The following ZDHHC11 variants were observed in gnomAD, a reference collection of about 807,000 sequenced individuals.
The protein encoded by ZDHHC11 is palmitoyltransferase ZDHHC11.
Under a neutral mutation model 51.3 loss-of-function variants are expected in ZDHHC11, and 44 were observed. The ratio of observed to expected loss-of-function variants is 0.86; its 90% CI spans 0.67 to 1.10. The LOEUF (loss-of-function observed/expected upper bound fraction) is 1.10, where lower values mean the gene tolerates loss of function less well. ZDHHC11 is among the 50% of genes least tolerant of loss of function. The probability of loss-of-function intolerance (pLI) is 0.00; values close to 1 mark genes in which losing one functional copy is unlikely to be tolerated. For missense variants in ZDHHC11, 400 were observed against 537.7 expected, an observed-to-expected ratio of 0.74 and a Z score of 2.53; for synonymous variants, 163 against 222.0, an observed-to-expected ratio of 0.73 and a Z score of 2.36.
intron 1 of ZDHHC11, among the ~76,000 whole-genome samples, chr5:849,393 C>G (rs1231751563): frequency 2.0e-5 from 3 of 152,132 alleles, no homozygotes; most frequent in Non-Finnish European, 4.4e-5. Flanking sequence ...CCGGATGCAG[C>G]CCCAAAGGCC....
intron 3 of ZDHHC11, among the ~76,000 whole-genome samples, chr5:844,236 G>A: frequency 6.6e-6 from 1 of 152,288 alleles, no homozygotes; most frequent in Non-Finnish European, 1.5e-5. Flanking sequence ...GCTGGAGAGG[G>A]GTGGCCGTGG....
At chr5:840,869 G>C (rs866135389) in intron 4 of ZDHHC11, 36 of 1,441,154 alleles carry the variant, frequency 2.5e-5, no homozygotes, top group Non-Finnish European at 3.1e-5. Context: ...GGATCTGGGA[G>C]GTGAGGCTCC....
intron 11 of ZDHHC11, 22 bp downstream of exon 11, chr5:814,739 C>CCCGTT (rs770829065): frequency 1.9e-6 from 3 of 1,547,370 alleles, no homozygotes; most frequent in Non-Finnish European, 2.6e-6. Flanking sequence ...ACAAAACGTT[C>CCCGTT]CCGTTAAACT....
chr5:803,278 C>A (rs191027685), intron 11 of ZDHHC11, among the ~76,000 whole-genome samples: 1 of 151,492 alleles, frequency 6.6e-6, no homozygotes, highest in East Asian at 1.9e-4. Flanking sequence ...CACTTGGCAG[C>A]AGTGGCTTCC....
chr5:858,122 A>G (rs112286050), intron 1 of ZDHHC11, among the ~76,000 whole-genome samples: 875 of 60,486 alleles, frequency 0.014, no homozygotes, highest in Middle Eastern at 0.029. Flanking sequence ...TCCCCGTCCT[A>G]TCTTTATGAC....
In ZDHHC11 at chr5:819,892, T is replaced by G. The variant is rs554023040; in HGVS notation, c.1059-280A>C. ...GTCTGCGAGCCCCACCCTAGACCAG[T>G]GCCTTAGACAGGTAGTGTCCTCCGT... On this transcript the variant is annotated intron_variant, in intron 9 of 12. Coordinates refer to ENST00000283441, the MANE Select transcript of ZDHHC11 (RefSeq NM_024786.3). Among the ~76,000 whole-genome samples the G allele has an allele frequency of 2.0e-5, 3 of 151,400 alleles. 1 individual carries two copies. The East Asian group carries it at 5.8e-4, about 29-fold the overall frequency.
intron 3 of ZDHHC11, among the ~76,000 whole-genome samples, chr5:844,437 C>T (rs1240055627): frequency 6.6e-6 from 1 of 152,298 alleles, no homozygotes; most frequent in African/African-American, 2.4e-5. Context: ...GGTCACACGG[C>T]GTCTCCAGTG....
chr5:814,176 T>C (rs1338138230), intron 11 of ZDHHC11, among the ~76,000 whole-genome samples: 1 of 146,100 alleles, frequency 6.8e-6, no homozygotes, highest in Non-Finnish European at 1.5e-5. Context: ...CTATGTTCTG[T>C]GAGAAGTGTA....
chr5:859,414 G>A (rs1394330912), upstream of ZDHHC11, among the ~76,000 whole-genome samples: 3 of 152,042 alleles, frequency 2.0e-5, no homozygotes, highest in African/African-American at 7.3e-5. Context: ...GGATTGCAAC[G>A]CGTTGTGGTC....
In ZDHHC11 at chr5:850,441, C is replaced by T. The variant is rs764899536; in HGVS notation, c.162G>A (p.Ser54=). The T allele has an allele frequency of 5.5e-5, 88 of 1,613,606 alleles. No homozygotes were observed. The highest frequency in any genetic ancestry group is 1.9e-4 in the South Asian group (17 of 91,084). The stretch of plus-strand genomic sequence containing the variant: ...AGGGAATGAAGATCCCGAAGGTGGC[C>T]GAGGAAAGGCCCACGAAGACAGCCC... ...VTWAVFVGLS[S]ATFGIFIPFL... The change falls in exon 1 of 13, where the codon TCG becomes TCA. Residue 54 remains serine, a synonymous_variant. Transcript: ENST00000283441.
chr5:801,365 G>A (rs1579521125), intron 11 of ZDHHC11, among the ~76,000 whole-genome samples: 1 of 151,756 alleles, frequency 6.6e-6, no homozygotes, highest in East Asian at 1.9e-4. Context: ...AAAGAATGTT[G>A]CTTTTTTCTT....
chr5:807,702 T>C (rs1332682652), intron 11 of ZDHHC11, among the ~76,000 whole-genome samples: 2 of 152,180 alleles, frequency 1.3e-5, no homozygotes, highest in Admixed American at 6.5e-5. Flanking sequence ...GATACTAATA[T>C]GTCCCATTTC....
rs751963828 is a variant in ZDHHC11, at chr5:850,862, C to T, written c.-260G>A. ...GCCAGAGCCGAGTGGCAACGGAAAA[C>T]GGCTCTCCAGGGTGTGGAGGACCCA... On this transcript the variant is annotated 5_prime_UTR_variant, in exon 1 of 13. Transcript: ENST00000283441. The T allele has an allele frequency of 5.1e-5, 27 of 534,364 alleles. No individual in the cohort carries two copies. Among genetic ancestry groups the T allele is most frequent in the Admixed American group, 1.9e-4 (6 of 31,100 alleles). The allele number at this position is 534,364 out of a possible 1,614,324, so 33.1% of individuals were successfully genotyped here.
Position 795,632 on chromosome 5 carries a change from G to T in ZDHHC11, c.*956C>A, listed in dbSNP as rs1381059114. On this transcript the variant is annotated 3_prime_UTR_variant, in exon 13 of 13. Coordinates refer to ENST00000283441, the MANE Select transcript of ZDHHC11 (RefSeq NM_024786.3). ...CACGTAGTAACTTATAGATATATTTGGAAAACTGATTATCTTTTAAAAAAT... is the reference window on the plus strand; with the variant it reads ...CACGTAGTAACTTATAGATATATTTTGAAAACTGATTATCTTTTAAAAAAT... 1 of 152,674 alleles carries T rather than the reference G, an allele frequency of 6.5e-6. No homozygotes were observed. The highest frequency in any genetic ancestry group is 1.5e-5 in the Non-Finnish European group (1 of 67,824). The allele number at this position is 152,674 out of a possible 1,614,324, so 9.5% of individuals were successfully genotyped here.
rs1191779239 is a variant in ZDHHC11, at chr5:795,865, C to T, written c.*723G>A. The stretch of plus-strand genomic sequence containing the variant: ...AGTACTATGCTCCCATTTCCGAGTA[C>T]TGTGAACTCCCCTTTCCCAGTACTG... On this transcript the variant is annotated 3_prime_UTR_variant, in exon 13 of 13. Transcript: ENST00000283441. 1 of 149,626 alleles carries T rather than the reference C, an allele frequency of 6.7e-6. No individual in the cohort carries two copies. The highest frequency in any genetic ancestry group is 1.5e-5 in the Non-Finnish European group (1 of 67,202). The allele number at this position is 149,626 out of a possible 1,614,324, so 9.3% of individuals were successfully genotyped here. A position where few individuals can be genotyped will look rare whatever the true frequency, so the allele number is the denominator to read the frequency against.
At chr5:855,829 G>A (rs573566632), upstream of ZDHHC11, among the ~76,000 whole-genome samples, 72 of 140,660 alleles carry the variant, frequency 5.1e-4, no homozygotes, top group Non-Finnish European at 8.4e-4. Context: ...ACAGTGAGCC[G>A]GGGGGCACAG....
At position 850,477 on chromosome 5, in the gene ZDHHC11, C is replaced by T. The variant is rs762185281; in HGVS notation, c.126G>A (p.Gln42=). 30 of 1,613,546 alleles carry T rather than the reference C, an allele frequency of 1.9e-5. No homozygotes were observed. The highest frequency in any genetic ancestry group is 2.0e-5 in the Non-Finnish European group (24 of 1,180,026). Residue 42 remains glutamine (Q), a synonymous_variant, in exon 1 of 13, where the codon CAG becomes CAA. Transcript: ENST00000283441. The part of the protein sequence containing the change: ...NGWSLPLHYF[Q]VVTWAVFVGL... Reference sequence around the variant, plus strand: ...CCACGAAGACAGCCCAGGTCACCACCTGGAAGTAGTGCAGGGGTAACGACC... The same window carrying T: ...CCACGAAGACAGCCCAGGTCACCACTTGGAAGTAGTGCAGGGGTAACGACC...
chr5:833,217 C>A (rs533698639), intron 7 of ZDHHC11, among the ~76,000 whole-genome samples: 1 of 152,278 alleles, frequency 6.6e-6, no homozygotes, highest in Non-Finnish European at 1.5e-5. Flanking sequence ...ACTGAAAATG[C>A]GCGTGCCCTT....
intron 12 of ZDHHC11, among the ~76,000 whole-genome samples, chr5:800,803 A>G (rs1738306081): frequency 2.0e-5 from 3 of 151,354 alleles, no homozygotes; most frequent in Non-Finnish European, 4.4e-5. Flanking sequence ...TTGGGTGAAA[A>G]TAATTCTTAG....
Sources: gnomAD v4.1 joint callset for allele counts (sites outside exome capture counted in the v4.1 genomes callset) on GRCh38, gnomAD v4.1.1 for gene constraint, MANE v1.5 for transcripts, NCBI Gene and HGNC (gene_info 2026-07-23, HGNC 2026-07-21) for gene names.